The following DDC variants were observed in gnomAD, a reference collection of about 807,000 sequenced individuals.
DDC encodes aromatic-L-amino-acid decarboxylase.
Under a neutral mutation model 60.0 loss-of-function variants are expected in DDC, and 43 were observed. The ratio of observed to expected loss-of-function variants is 0.72; its 90% CI spans 0.56 to 0.92. The LOEUF is 0.92. Among genes scored for constraint, DDC ranks in the 40% least tolerant of loss-of-function variants. The probability of loss-of-function intolerance (pLI) is 0.00; values close to 1 mark genes in which losing one functional copy is unlikely to be tolerated. For synonymous variants in DDC, 232 were observed against 234.6 expected, an observed-to-expected ratio of 0.99 and a Z score of 0.10; for missense variants, 573 against 620.2, an observed-to-expected ratio of 0.92 and a Z score of 0.81.
intron 14 of DDC, among the ~76,000 whole-genome samples, chr7:50,459,358 C>T (rs1014864811): frequency 1.3e-5 from 2 of 152,238 alleles, no homozygotes; most frequent in Non-Finnish European, 2.9e-5. Flanking sequence ...GCCGAGATTA[C>T]AGCCTCTGCC....
chr7:50,465,555 A>C (rs565283637), intron 13 of DDC, among the ~76,000 whole-genome samples: 16 of 152,190 alleles, frequency 1.1e-4, no homozygotes, highest in Non-Finnish European at 2.1e-4. Flanking sequence ...TATTTGTAGT[A>C]GAGACGAGGT....
At chr7:50,464,918 A>G (rs1051242087) in intron 13 of DDC, among the ~76,000 whole-genome samples, 1 of 152,238 alleles carries the variant, frequency 6.6e-6, no homozygotes, top group Non-Finnish European at 1.5e-5. Flanking sequence ...AGTGAGCCAC[A>G]GTGTTTGACT....
intron 6 of DDC, among the ~76,000 whole-genome samples, chr7:50,520,453 A>G (rs2043858448): frequency 4.6e-5 from 1 of 21,720 alleles, no homozygotes; most frequent in Non-Finnish European, 2.6e-4. Context: ...AAAAATTTAA[A>G]AGTACTTCAA....
chr7:50,513,791 C>T (rs1425997963), intron 6 of DDC, among the ~76,000 whole-genome samples: 2 of 152,056 alleles, frequency 1.3e-5, no homozygotes, highest in Non-Finnish European at 2.9e-5. Flanking sequence ...GGACTCTCAC[C>T]CCCATCCCCC....
intron 10 of DDC, among the ~76,000 whole-genome samples, chr7:50,478,780 CTTGTATAT>C (rs973273336): frequency 6.6e-6 from 1 of 150,940 alleles, no homozygotes; most frequent in Admixed American, 6.6e-5. Flanking sequence ...GGAAGGGCAG[CTTGTATAT>C]TGGTAATTGG....
At chr7:50,469,251 A>AT (rs72251822) in intron 12 of DDC, among the ~76,000 whole-genome samples, 1 of 68,772 alleles carries the variant, frequency 1.5e-5, no homozygotes, top group African/African-American at 5.8e-5. Context: ...GCCAATTGTT[A>AT]TTTTAAAAAA....
At chr7:50,535,459 C>T (rs1193587622) in intron 4 of DDC, among the ~76,000 whole-genome samples, 2 of 152,162 alleles carry the variant, frequency 1.3e-5, no homozygotes, top group Non-Finnish European at 1.5e-5. Context: ...TCATTTTCCT[C>T]AGCTCCCCAT....
rs114234969 is a variant in DDC, at chr7:50,513,339, T to C, written c.715-9280A>G. Among the ~76,000 whole-genome samples the C allele has an allele frequency of 2.5e-3, 374 of 152,164 alleles. 1 individual carries two copies. Among genetic ancestry groups the C allele is most frequent in the African/African-American group, 7.9e-3 (326 of 41,512 alleles). ...AGAAAGGCACTGGGAACTCACTGGG[T>C]TCCCAAGCAGGTCATTCCTGCTGGC... On this transcript the variant is annotated intron_variant, in intron 6 of 14. Coordinates refer to ENST00000444124, the MANE Select transcript of DDC (RefSeq NM_001082971.2).
chr7:50,463,948 G>A (rs1222987580), intron 13 of DDC, among the ~76,000 whole-genome samples: 1 of 152,118 alleles, frequency 6.6e-6, no homozygotes, highest in East Asian at 1.9e-4. Flanking sequence ...GCCTGGGGTA[G>A]GCGCAGAGGC....
chr7:50,479,527 G>A (rs762672796), intron 10 of DDC, among the ~76,000 whole-genome samples: 1 of 152,152 alleles, frequency 6.6e-6, no homozygotes, highest in Non-Finnish European at 1.5e-5. Flanking sequence ...GTGCCCACCT[G>A]CCCCTGCTCC....
At chr7:50,508,871 C>T (rs1278726199) in intron 6 of DDC, among the ~76,000 whole-genome samples, 4 of 152,174 alleles carry the variant, frequency 2.6e-5, no homozygotes, top group Non-Finnish European at 5.9e-5. Flanking sequence ...AGACAACAAA[C>T]AAGGTGCATT....
At chr7:50,497,643 A>T (rs138133981) in intron 8 of DDC, among the ~76,000 whole-genome samples, 38 of 152,292 alleles carry the variant, frequency 2.5e-4, no homozygotes, top group African/African-American at 9.1e-4. Context: ...AGCTACCGGC[A>T]ATGAACTATA....
chr7:50,497,753 A>T (rs1188894269), intron 8 of DDC, among the ~76,000 whole-genome samples: 1 of 152,174 alleles, frequency 6.6e-6, no homozygotes, highest in African/African-American at 2.4e-5. Context: ...ACCCCCAAGG[A>T]TCCATCATGT....
chr7:50,517,299 A>C (rs2043759927), intron 6 of DDC, among the ~76,000 whole-genome samples: 1 of 152,220 alleles, frequency 6.6e-6, no homozygotes, highest in South Asian at 2.1e-4. Context: ...ACACCACAGA[A>C]AGAGAATTAA....
At chr7:50,558,757 G>T (rs2045262704) in intron 1 of DDC, among the ~76,000 whole-genome samples, 1 of 152,212 alleles carries the variant, frequency 6.6e-6, no homozygotes, top group South Asian at 2.1e-4. Context: ...ACTGTCAGCT[G>T]CCTGTGTCCT....
At chr7:50,472,659 G>A (rs114128177) in intron 11 of DDC, among the ~76,000 whole-genome samples, 303 of 152,218 alleles carry the variant, frequency 2.0e-3, no homozygotes, top group African/African-American at 6.8e-3. Context: ...ACCCAGGACC[G>A]TGCAAACTGG....
intron 1 of DDC, among the ~76,000 whole-genome samples, chr7:50,563,581 A>G (rs1241487647): frequency 6.6e-6 from 1 of 152,104 alleles, no homozygotes; most frequent in Non-Finnish European, 1.5e-5. Context: ...GGCAGAGTAA[A>G]ACTTTCATAA....
At chr7:50,495,713 A>AT (rs2153539026) in intron 8 of DDC, among the ~76,000 whole-genome samples, 1 of 152,352 alleles carries the variant, frequency 6.6e-6, no homozygotes, top group South Asian at 2.1e-4. Context: ...TGGAACAAGA[A>AT]TTTTAAAATT....
Position 50,490,627 on chromosome 7 carries a change from G to GC in DDC, c.944+4722dup, listed in dbSNP as rs1468775954. Among the ~76,000 whole-genome samples, 3 of 151,828 alleles carry GC rather than the reference G, an allele frequency of 2.0e-5. No homozygotes were observed. The East Asian group carries it at 5.8e-4, about 29-fold the overall frequency. ...GGAGGTTGCAGTGAGCTGAGATCAT[G>GC]CCACTGAGCCGAGATCATGCCACTG... On this transcript the variant is annotated intron_variant, in intron 9 of 14. Transcript: ENST00000444124.
Sources: gnomAD v4.1 joint callset for allele counts (sites outside exome capture counted in the v4.1 genomes callset) on GRCh38, gnomAD v4.1.1 for gene constraint, MANE v1.5 for transcripts, NCBI Gene and HGNC (gene_info 2026-07-23, HGNC 2026-07-21) for gene names.